The following TMEFF1 variants were observed in gnomAD, a reference collection of about 807,000 sequenced individuals.
TMEFF1 encodes transmembrane protein with EGF like and two follistatin like domains 1.
In TMEFF1, 20 loss-of-function variants were observed where a neutral mutation model predicts 47.5. The ratio of observed to expected loss-of-function variants is 0.42; its 90% confidence interval spans 0.30 to 0.61. TMEFF1 has a LOEUF of 0.61. TMEFF1 is among the 20% of genes least tolerant of loss of function. The pLI is 0.19. For synonymous variants in TMEFF1, 162 were observed against 166.3 expected (o/e 0.97, Z 0.20); for missense variants, 411 against 471.1 (o/e 0.87, Z 1.18).
intron 1 of TMEFF1, among the ~76,000 whole-genome samples, chr9:100,479,871 T>C (rs888217706): frequency 3.3e-5 from 5 of 152,358 alleles, no homozygotes; most frequent in African/African-American, 1.2e-4. Context: ...TCAGTTCTGT[T>C]GTGTATGTAT....
chr9:100,530,853 A>T (rs939536714), intron 5 of TMEFF1, among the ~76,000 whole-genome samples: 3 of 152,074 alleles, frequency 2.0e-5, no homozygotes, highest in South Asian at 4.1e-4. Flanking sequence ...TACTGGCAAA[A>T]CGAATCCAGC....
chr9:100,549,983 A>G (rs1838801835), intron 6 of TMEFF1, 112 bp from the exon 7 acceptor site: 1 of 1,272,514 alleles, frequency 7.9e-7, no homozygotes, highest in Admixed American at 2.7e-5. Flanking sequence ...CATGAGCAGG[A>G]TAAGGGGGCA....
chr9:100,530,534 A>G (rs1838357278), intron 5 of TMEFF1, among the ~76,000 whole-genome samples: 1 of 152,238 alleles, frequency 6.6e-6, no homozygotes, highest in Admixed American at 6.5e-5. Flanking sequence ...AGACTAAATC[A>G]GGAAGAAGTT....
At chr9:100,511,647 C>T (rs1208181865) in intron 3 of TMEFF1, among the ~76,000 whole-genome samples, 4 of 152,258 alleles carry the variant, frequency 2.6e-5, no homozygotes, top group African/African-American at 4.8e-5. Context: ...AGCCTTTTCT[C>T]CTCTGTGAAA....
intron 4 of TMEFF1, among the ~76,000 whole-genome samples, chr9:100,514,674 GACCCTGTCTCT>G (rs1388336191): frequency 6.3e-5 from 9 of 143,648 alleles, no homozygotes; most frequent in African/African-American, 2.1e-4. Context: ...AACATAGTGA[GACCCTGTCTCT>G]ACCCCAAAAA....
intron 1 of TMEFF1, among the ~76,000 whole-genome samples, chr9:100,496,233 C>T (rs1481193569): frequency 6.6e-6 from 1 of 152,134 alleles, no homozygotes; most frequent in Admixed American, 6.6e-5. Flanking sequence ...TTGTTCAAGG[C>T]TGTGTTTATG....
rs41274967 is a variant in TMEFF1 at position 100,576,725 on chromosome 9, G to A, written c.*125G>A. 3,614 of 1,148,370 alleles carry A rather than the reference G, an allele frequency of 3.1e-3. 9 individuals are homozygous for A. Among genetic ancestry groups the A allele is most frequent in the Non-Finnish European group, 3.9e-3 (3,230 of 825,526 alleles). The allele number at this position is 1,148,370 out of a possible 1,614,324, so 71.1% of individuals were successfully genotyped here. On this transcript the variant is annotated 3_prime_UTR_variant, in exon 10 of 10. Coordinates refer to ENST00000374879, the MANE Select transcript of TMEFF1 (RefSeq NM_003692.5). ...ATTTTTAGTGTAGTACTGTTGGCTC[G>A]TATTTAGAATATTCAGCTACGACAG...
chr9:100,498,944 TAAAA>T, intron 2 of TMEFF1, 70 bp downstream of exon 2: 4 of 1,515,836 alleles, frequency 2.6e-6, no homozygotes, highest in Non-Finnish European at 3.6e-6. Context: ...TTCTTCAAAT[TAAAA>T]AACCTAAAAC....
intron 8 of TMEFF1, among the ~76,000 whole-genome samples, chr9:100,563,058 C>T (rs994163566): frequency 4.6e-5 from 7 of 152,112 alleles, no homozygotes; most frequent in Admixed American, 3.3e-4. Flanking sequence ...CCTCATGATC[C>T]GCCCGCCTTG....
intron 5 of TMEFF1, among the ~76,000 whole-genome samples, chr9:100,542,638 A>T (rs555891354): frequency 6.6e-6 from 1 of 152,198 alleles, no homozygotes. Flanking sequence ...TTTCCCTGTT[A>T]TTCTTACTTC....
intron 3 of TMEFF1, among the ~76,000 whole-genome samples, chr9:100,509,928 A>T (rs1214294297): frequency 6.6e-6 from 1 of 151,456 alleles, no homozygotes; most frequent in African/African-American, 2.4e-5. Context: ...GTAGTGGTTG[A>T]TTTGGGGAAC....
At chr9:100,474,644 A>G (rs1188064361) in intron 1 of TMEFF1, among the ~76,000 whole-genome samples, 1 of 151,888 alleles carries the variant, frequency 6.6e-6, no homozygotes, top group Admixed American at 6.6e-5. Flanking sequence ...TTGTGTAGCA[A>G]GGTGTAACCC....
intron 8 of TMEFF1, among the ~76,000 whole-genome samples, chr9:100,571,276 A>G (rs2118577739): frequency 6.6e-6 from 1 of 152,346 alleles, no homozygotes; most frequent in South Asian, 2.1e-4. Context: ...CACTAAATAT[A>G]GAAAAGCGCA....
intron 1 of TMEFF1, among the ~76,000 whole-genome samples, chr9:100,476,249 GA>G (rs537566751): frequency 1.7e-3 from 266 of 152,098 alleles, no homozygotes; most frequent in Middle Eastern, 6.8e-3. Context: ...GATTCATATG[GA>G]AAAAAAATTT....
chr9:100,535,612 A>C (rs1278273804), intron 5 of TMEFF1, among the ~76,000 whole-genome samples: 1 of 152,218 alleles, frequency 6.6e-6, no homozygotes, highest in African/African-American at 2.4e-5. Flanking sequence ...CTCTACCAAA[A>C]ATATAAAAAT....
chr9:100,513,410 T>TTTTA (rs1564014652), intron 4 of TMEFF1, 77 bp downstream of exon 4: 15 of 1,225,106 alleles, frequency 1.2e-5, no homozygotes, highest in East Asian at 2.9e-5. Context: ...TTTTTTTTTT[T>TTTTA]AAATCAGCTT....
intron 6 of TMEFF1, among the ~76,000 whole-genome samples, chr9:100,548,412 C>T (rs987319388): frequency 6.6e-6 from 1 of 152,124 alleles, no homozygotes; most frequent in South Asian, 2.1e-4. Flanking sequence ...ATTCTTTTCA[C>T]CCTTCTTGCT....
intron 8 of TMEFF1, among the ~76,000 whole-genome samples, chr9:100,562,505 G>A (rs1393701520): frequency 1.3e-5 from 2 of 151,934 alleles, no homozygotes; most frequent in African/African-American, 2.4e-5. Flanking sequence ...AGTTCTTTAA[G>A]ACATTTGCTT....
At chr9:100,539,452 C>T (rs957966290) in intron 5 of TMEFF1, among the ~76,000 whole-genome samples, 3 of 152,138 alleles carry the variant, frequency 2.0e-5, no homozygotes, top group Admixed American at 1.3e-4. Flanking sequence ...TCAGCTGTGT[C>T]TGGAGTTTCT....
Sources: allele counts gnomAD v4.1 joint callset (sites outside exome capture counted in the v4.1 genomes callset), GRCh38; gene constraint gnomAD v4.1.1; transcripts MANE v1.5; gene names NCBI Gene and HGNC (gene_info 2026-07-23, HGNC 2026-07-21).